The following GPC6 variants were observed in gnomAD, a reference collection of about 807,000 sequenced individuals.
GPC6 encodes the protein glypican-6.
A neutral mutation model predicts 55.2 loss-of-function variants in GPC6; 14 were observed. The observed-to-expected ratio is 0.25, with a 90% CI of 0.17 to 0.40. The LOEUF (loss-of-function observed/expected upper bound fraction) is 0.40. Among genes scored for constraint, GPC6 ranks in the 10% least tolerant of loss-of-function variants. GPC6 has a pLI of 1.00. For synonymous variants in GPC6, 278 were observed against 259.6 expected (o/e 1.07, Z -0.68); for missense variants, 641 against 708.5 (o/e 0.90, Z 1.08).
At chr13:94,245,740 G>T (rs1891177906) in intron 4 of GPC6, among the ~76,000 whole-genome samples, 1 of 151,862 alleles carries the variant, frequency 6.6e-6, no homozygotes, top group South Asian at 2.1e-4. Flanking sequence ...GTGTGTGTCT[G>T]TGTGTGTGTG....
intron 4 of GPC6, among the ~76,000 whole-genome samples, chr13:94,098,608 T>C (rs901226659): frequency 7.9e-5 from 12 of 152,072 alleles, no homozygotes; most frequent in African/African-American, 2.9e-4. Context: ...GGACTTCACA[T>C]TGGTCTCCTT....
intron 1 of GPC6, among the ~76,000 whole-genome samples, chr13:93,523,679 T>C (rs927391578): frequency 7.9e-5 from 12 of 152,068 alleles, no homozygotes; most frequent in African/African-American, 2.9e-4. Flanking sequence ...TTCAAATGTA[T>C]GTCTCCATGA....
intron 2 of GPC6, among the ~76,000 whole-genome samples, 197 bp downstream of exon 2, chr13:93,545,618 CT>C (rs932751238): frequency 6.6e-5 from 10 of 150,642 alleles, no homozygotes; most frequent in Non-Finnish European, 1.2e-4. Flanking sequence ...TTGGTAAAAC[CT>C]GGTTTAACAA....
intron 3 of GPC6, among the ~76,000 whole-genome samples, chr13:94,000,307 C>T (rs549044551): frequency 1.7e-4 from 26 of 152,020 alleles, no homozygotes; most frequent in Non-Finnish European, 3.5e-4. Context: ...GAAAATAAAC[C>T]ACCTTTGAAA....
At chr13:93,285,401 C>G (rs1009592114) in intron 1 of GPC6, among the ~76,000 whole-genome samples, 1 of 152,070 alleles carries the variant, frequency 6.6e-6, no homozygotes, top group African/African-American at 2.4e-5. Context: ...TGCCATATTA[C>G]TAATATCTGG....
Position 94,387,296 on chromosome 13 carries a change from G to A in GPC6, c.1289+4746G>A, listed in dbSNP as rs59107080. Among the ~76,000 whole-genome samples, 705 of 152,284 alleles carry A rather than the reference G, an allele frequency of 4.6e-3. 5 individuals carry two copies. The highest frequency in any genetic ancestry group is 0.016 in the African/African-American group (678 of 41,560). On this transcript the variant is annotated intron_variant, in intron 7 of 8. Coordinates refer to ENST00000377047, the MANE Select transcript of GPC6 (RefSeq NM_005708.5). The stretch of plus-strand genomic sequence containing the variant: ...GTCTGCAACAGGAGGCAGGGTAAGA[G>A]GAGACTCTGCCCTTTGATGGGAGGA...
chr13:93,467,037 G>A (rs1878929361), intron 1 of GPC6, among the ~76,000 whole-genome samples: 1 of 152,220 alleles, frequency 6.6e-6, no homozygotes, highest in Non-Finnish European at 1.5e-5. Context: ...GATGCAGTCA[G>A]GGGTTCAGCC....
intron 3 of GPC6, among the ~76,000 whole-genome samples, chr13:93,831,872 C>T (rs550483195): frequency 4.8e-4 from 72 of 150,076 alleles, no homozygotes; most frequent in Middle Eastern, 3.4e-3. Flanking sequence ...GGGCAGATCT[C>T]GAGGGCAGGA....
intron 1 of GPC6, among the ~76,000 whole-genome samples, chr13:93,235,447 G>C (rs755780403): frequency 6.6e-6 from 1 of 152,014 alleles, no homozygotes; most frequent in Non-Finnish European, 1.5e-5. Context: ...TATTGTTTTG[G>C]ATTAGGCAAG....
At chr13:93,663,140 A>C (rs1258946711) in intron 2 of GPC6, among the ~76,000 whole-genome samples, 1 of 151,786 alleles carries the variant, frequency 6.6e-6, no homozygotes, top group Non-Finnish European at 1.5e-5. Flanking sequence ...GAGTTCAGAG[A>C]CTGACAGTAC....
intron 1 of GPC6, among the ~76,000 whole-genome samples, chr13:93,304,220 A>C (rs1878780129): frequency 6.6e-6 from 1 of 151,962 alleles, no homozygotes; most frequent in Non-Finnish European, 1.5e-5. Context: ...GTGCAAGGGG[A>C]GGTGTTTGTT....
intron 4 of GPC6, among the ~76,000 whole-genome samples, chr13:94,234,320 T>C: frequency 6.6e-6 from 1 of 152,170 alleles, no homozygotes. Context: ...CTAAATTCAT[T>C]TTTATTGTAT....
chr13:93,964,051 C>G (rs1321770209), intron 3 of GPC6, among the ~76,000 whole-genome samples: 2 of 152,088 alleles, frequency 1.3e-5, no homozygotes, highest in Non-Finnish European at 2.9e-5. Context: ...CCTCCACCTC[C>G]CCCCACTCAT....
At position 94,402,332 on chromosome 13, in the gene GPC6, C is replaced by T. The variant is rs147528452; in HGVS notation, c.1466-683C>T. Among the ~76,000 whole-genome samples, 489 of 152,356 alleles carry T rather than the reference C, an allele frequency of 3.2e-3. 3 individuals are homozygous for T. Among genetic ancestry groups the T allele is most frequent in the African/African-American group, 0.011 (470 of 41,588 alleles). On this transcript the variant is annotated intron_variant, in intron 8 of 8. Transcript: ENST00000377047. ...GAATGGAATTTCTTAAACTTAAGTA[C>T]TGGCCAGAAGAAATGTCTAAGGCCA...
At chr13:93,820,611 G>T (rs1289421698) in intron 2 of GPC6, among the ~76,000 whole-genome samples, 1 of 148,216 alleles carries the variant, frequency 6.7e-6, no homozygotes, top group Non-Finnish European at 1.5e-5. Flanking sequence ...TGAATGGAAA[G>T]TTAAAAAAAA....
intron 1 of GPC6, among the ~76,000 whole-genome samples, chr13:93,231,340 TATATAC>T (rs1876008520): frequency 2.3e-5 from 1 of 42,686 alleles, no homozygotes; most frequent in African/African-American, 1.2e-4. Flanking sequence ...CGTATATATA[TATATAC>T]ATATATATAT....
At chr13:93,844,473 C>T (rs1888092762) in intron 3 of GPC6, among the ~76,000 whole-genome samples, 1 of 152,066 alleles carries the variant, frequency 6.6e-6, no homozygotes, top group Non-Finnish European at 1.5e-5. Flanking sequence ...AAAGTAAACC[C>T]CACTTTTTGA....
chr13:93,404,242 T>G (rs1230096247), intron 1 of GPC6, among the ~76,000 whole-genome samples: 1 of 152,124 alleles, frequency 6.6e-6, no homozygotes, highest in African/African-American at 2.4e-5. Flanking sequence ...TGGGATTTGA[T>G]ATATTTTGGG....
intron 2 of GPC6, among the ~76,000 whole-genome samples, chr13:93,678,310 G>A (rs975508697): frequency 5.9e-5 from 9 of 152,084 alleles, no homozygotes; most frequent in Admixed American, 5.9e-4. Context: ...CATAGATATA[G>A]CATAGTCTCT....
Sources: gnomAD v4.1 joint callset for allele counts (sites outside exome capture counted in the v4.1 genomes callset) on GRCh38, gnomAD v4.1.1 for gene constraint, MANE v1.5 for transcripts, NCBI Gene and HGNC (gene_info 2026-07-23, HGNC 2026-07-21) for gene names.